VSTM5: variants seen among roughly 807,000 people sequenced by gnomAD.
VSTM5 encodes V-set and transmembrane domain containing 5.
VSTM5 carries 21 observed loss-of-function variants against 20.3 expected under a neutral mutation model. The observed-to-expected ratio is 1.03, with a 90% CI of 0.73 to 1.49. The LOEUF is 1.49. Among genes scored for constraint, VSTM5 ranks in the 40% most tolerant of loss-of-function variants. The pLI is 0.00. For synonymous variants in VSTM5, 100 were observed against 102.5 expected (o/e 0.98, Z 0.14); for missense variants, 219 against 250.0 (o/e 0.88, Z 0.84).
rs1044991541 is a variant in VSTM5, at chr11:93,824,933, T to C, written c.92-3610A>G. Among the ~76,000 whole-genome samples, 14 of 152,352 alleles carry C rather than the reference T, an allele frequency of 9.2e-5. No homozygotes were observed. In the East Asian group the frequency reaches 1.7e-3, roughly 19 times the overall value. ...CTTTATGAAGAGACTCCTTTCTTCA[T>C]TGTGTATTCTTGGCACTTTAGTCAA... On this transcript the variant is annotated intron_variant, in intron 1 of 3. Coordinates refer to ENST00000409977, the MANE Select transcript of VSTM5 (RefSeq NM_001144871.2).
intron 1 of VSTM5, among the ~76,000 whole-genome samples, chr11:93,840,206 C>T (rs185629854): frequency 2.6e-5 from 4 of 152,306 alleles, no homozygotes; most frequent in East Asian, 3.9e-4. Flanking sequence ...AATAATTGTC[C>T]TCAGTTTTCT....
intron 1 of VSTM5, among the ~76,000 whole-genome samples, chr11:93,834,693 G>C (rs1035525867): frequency 1.4e-5 from 2 of 146,424 alleles, no homozygotes; most frequent in Non-Finnish European, 3.0e-5. Context: ...TGAGGCAGGA[G>C]AATTGCTTGA....
At chr11:93,825,794 A>G (rs1944228897) in intron 1 of VSTM5, among the ~76,000 whole-genome samples, 1 of 149,034 alleles carries the variant, frequency 6.7e-6, no homozygotes, top group Non-Finnish European at 1.5e-5. Flanking sequence ...ATTGAGATAC[A>G]GTCTCACTTT....
At chr11:93,846,463 G>A (rs1944411287) in intron 1 of VSTM5, among the ~76,000 whole-genome samples, 1 of 152,170 alleles carries the variant, frequency 6.6e-6, no homozygotes, top group Admixed American at 6.5e-5. Context: ...TGTGTGCAGG[G>A]GTGCCCATCA....
At chr11:93,838,668 GC>G (rs1944344336) in intron 1 of VSTM5, among the ~76,000 whole-genome samples, 1 of 150,654 alleles carries the variant, frequency 6.6e-6, no homozygotes, top group African/African-American at 2.4e-5. Context: ...TGTGGCGCTG[GC>G]GCCTGTGTTC....
intron 1 of VSTM5, among the ~76,000 whole-genome samples, chr11:93,837,159 G>A (rs1409419984): frequency 6.6e-6 from 1 of 152,120 alleles, no homozygotes; most frequent in African/African-American, 2.4e-5. Flanking sequence ...AGCCTCCTGA[G>A]TAGCTGAGAT....
intron 1 of VSTM5, among the ~76,000 whole-genome samples, chr11:93,832,463 T>A (rs1944290470): frequency 6.6e-6 from 1 of 152,170 alleles, no homozygotes; most frequent in Non-Finnish European, 1.5e-5. Context: ...GGAGAATGGG[T>A]GTCTGGAATG....
chr11:93,840,422 G>A (rs1270892200), intron 1 of VSTM5, among the ~76,000 whole-genome samples: 2 of 152,208 alleles, frequency 1.3e-5, no homozygotes, highest in African/African-American at 2.4e-5. Context: ...CCACACTGAG[G>A]TGTTAGCAGC....
chr11:93,825,217 G>A (rs1278230725), intron 1 of VSTM5, among the ~76,000 whole-genome samples: 1 of 152,196 alleles, frequency 6.6e-6, no homozygotes, highest in Admixed American at 6.5e-5. Context: ...ACCTAGGCTG[G>A]AGTGCAGTGG....
intron 1 of VSTM5, 33 bp downstream of exon 1, chr11:93,850,379 C>A (rs949581492): frequency 6.5e-7 from 1 of 1,538,522 alleles, no homozygotes; most frequent in Non-Finnish European, 8.8e-7. Flanking sequence ...CATTCCCGCT[C>A]CCCCAGCACC....
At chr11:93,823,977 G>A (rs1034836669) in intron 1 of VSTM5, among the ~76,000 whole-genome samples, 2 of 151,254 alleles carry the variant, frequency 1.3e-5, no homozygotes, top group African/African-American at 4.9e-5. Context: ...GCGCAATCTC[G>A]GCTCACTGCA....
chr11:93,835,076 C>T (rs1944313269), intron 1 of VSTM5, among the ~76,000 whole-genome samples: 1 of 152,144 alleles, frequency 6.6e-6, no homozygotes, highest in African/African-American at 2.4e-5. Flanking sequence ...GCAAAAAGGT[C>T]CTCACCAGAT....
At chr11:93,835,991 C>T (rs78952880) in intron 1 of VSTM5, among the ~76,000 whole-genome samples, 6,434 of 152,194 alleles carry the variant, frequency 0.042, 434 homozygotes, top group African/African-American at 0.15. Context: ...AATGTATAAT[C>T]CCATCTCCCA....
intron 1 of VSTM5, 69 bp downstream of exon 1, chr11:93,850,343 C>A: frequency 7.2e-7 from 1 of 1,394,376 alleles, no homozygotes; most frequent in South Asian, 1.3e-5. Flanking sequence ...TGCTAGACCC[C>A]GGGGCCCCGC....
intron 1 of VSTM5, among the ~76,000 whole-genome samples, chr11:93,827,319 G>A (rs913725994): frequency 6.6e-6 from 1 of 152,188 alleles, no homozygotes; most frequent in African/African-American, 2.4e-5. Flanking sequence ...GAAGGCGGAC[G>A]TTGCAGTGAG....
chr11:93,822,806 GCTAT>G (rs555348712), intron 1 of VSTM5, among the ~76,000 whole-genome samples: 19 of 152,154 alleles, frequency 1.2e-4, no homozygotes, highest in Non-Finnish European at 2.8e-4. Context: ...CTACTTTGTG[GCTAT>G]CTATCAATCA....
chr11:93,820,141 G>T lies in VSTM5; in HGVS notation c.*428C>A. The T allele has an allele frequency of 5.0e-6, 1 of 201,346 alleles. No individual in the cohort carries two copies. 12.5% of individuals were successfully genotyped at this position (201,346 alleles called of 1,614,324 possible). A position where few individuals can be genotyped will look rare whatever the true frequency, so the allele number is the denominator to read the frequency against. ...GGCTGGTTGGCACAGCAGTTGCAGA[G>T]CAGACAGGAGCACAGAAAGCATGTT... On this transcript the variant is annotated 3_prime_UTR_variant, in exon 4 of 4. Transcript: ENST00000409977.
At chr11:93,831,278 C>T (rs572984163) in intron 1 of VSTM5, among the ~76,000 whole-genome samples, 2 of 152,264 alleles carry the variant, frequency 1.3e-5, no homozygotes, top group South Asian at 4.1e-4. Flanking sequence ...AACCTCCCAC[C>T]TCAACCTCCC....
At position 93,819,513 on chromosome 11, in the gene VSTM5, G is replaced by A. The variant is rs1321621786; in HGVS notation, c.*1056C>T. The A allele has an allele frequency of 6.6e-6, 1 of 152,264 alleles. No individual in the cohort carries two copies. Among genetic ancestry groups the A allele is most frequent in the Non-Finnish European group, 1.5e-5 (1 of 68,066 alleles). The allele number at this position is 152,264 out of a possible 1,614,324, so 9.4% of individuals were successfully genotyped here. A position where few individuals can be genotyped will look rare whatever the true frequency, so the allele number is the denominator to read the frequency against. ...CAGTATAGCTTTCCAGATCCTTGAA[G>A]AAGCCTCATGCATTTCGTAAGTTGC... On this transcript the variant is annotated 3_prime_UTR_variant, in exon 4 of 4. Transcript: ENST00000409977.
Sources: allele counts gnomAD v4.1 joint callset (sites outside exome capture counted in the v4.1 genomes callset), GRCh38; gene constraint gnomAD v4.1.1; transcripts MANE v1.5; gene names NCBI Gene and HGNC (gene_info 2026-07-23, HGNC 2026-07-21).